EYS: variants seen among roughly 807,000 people sequenced by gnomAD.
The protein encoded by EYS is EGF-like photoreceptor maintenance factor.
EYS carries 250 observed loss-of-function variants against 282.1 expected under a neutral mutation model. That is an observed-to-expected ratio of 0.89 (90% CI 0.80 to 0.98). EYS has a LOEUF of 0.98. EYS is among the 50% of genes least tolerant of loss of function. The pLI is 0.00. For synonymous variants in EYS, 1,355 were observed against 1,282.9 expected (o/e 1.06, Z -1.20); for missense variants, 4,016 against 3,709.0 (o/e 1.08, Z -2.15).
intron 26 of EYS, among the ~76,000 whole-genome samples, chr6:64,585,121 T>C (rs1766193815): frequency 6.6e-6 from 1 of 152,108 alleles, no homozygotes; most frequent in South Asian, 2.1e-4. Flanking sequence ...GTATACATCA[T>C]TGAATACTAC....
chr6:64,840,531 T>C (rs887899881), intron 19 of EYS, among the ~76,000 whole-genome samples: 1 of 152,110 alleles, frequency 6.6e-6, no homozygotes, highest in Non-Finnish European at 1.5e-5. Context: ...GTTTTCAAAT[T>C]CCAAGGGAAA....
intron 15 of EYS, among the ~76,000 whole-genome samples, chr6:64,944,433 A>G (rs1477516942): frequency 6.6e-6 from 1 of 152,154 alleles, no homozygotes; most frequent in Non-Finnish European, 1.5e-5. Flanking sequence ...CAGACAACTG[A>G]CAGAATGGGA....
intron 26 of EYS, among the ~76,000 whole-genome samples, chr6:64,488,258 A>T (rs1413270488): frequency 6.6e-6 from 1 of 151,022 alleles, no homozygotes; most frequent in Non-Finnish European, 1.5e-5. Flanking sequence ...AGAAGTAGGA[A>T]GTCAAGCAAA....
At chr6:65,230,722 A>G (rs604291) in intron 12 of EYS, among the ~76,000 whole-genome samples, 101,092 of 151,370 alleles carry the variant, frequency 0.67, 35,001 homozygotes, top group East Asian at 0.89. Flanking sequence ...TCTTTGAGTC[A>G]TATCTTTTTT....
intron 26 of EYS, among the ~76,000 whole-genome samples, chr6:64,530,414 C>T (rs1221917254): frequency 6.6e-6 from 1 of 151,842 alleles, no homozygotes; most frequent in Non-Finnish European, 1.5e-5. Context: ...ATCTGCAGGA[C>T]ATGTGTTCCT....
At chr6:63,732,929 T>C (rs1341723080) in intron 41 of EYS, among the ~76,000 whole-genome samples, 1 of 152,202 alleles carries the variant, frequency 6.6e-6, no homozygotes, top group Non-Finnish European at 1.5e-5. Context: ...TATATGTTGA[T>C]ACATCTTAGA....
intron 31 of EYS, among the ~76,000 whole-genome samples, chr6:64,217,652 C>G (rs910201847): frequency 1.5e-4 from 23 of 152,008 alleles, no homozygotes; most frequent in Admixed American, 1.4e-3. Flanking sequence ...CTATAAGAGG[C>G]CTTTTCCTAT....
chr6:63,986,665 C>T (rs940995670), intron 34 of EYS, among the ~76,000 whole-genome samples: 3 of 151,672 alleles, frequency 2.0e-5, no homozygotes, highest in Non-Finnish European at 3.0e-5. Flanking sequence ...CCTCAGCAAA[C>T]TAATGAAGGA....
At chr6:65,631,129 G>A (rs151299479) in intron 2 of EYS, among the ~76,000 whole-genome samples, 1 of 152,114 alleles carries the variant, frequency 6.6e-6, no homozygotes, top group Non-Finnish European at 1.5e-5. Context: ...ATTAATGGGA[G>A]ACCCCTGTAA....
At chr6:64,948,957 T>A (rs1009370150) in intron 14 of EYS, among the ~76,000 whole-genome samples, 14 of 151,934 alleles carry the variant, frequency 9.2e-5, no homozygotes, top group African/African-American at 2.9e-4. Flanking sequence ...TTGATAGTTG[T>A]AAATGCATAA....
chr6:65,092,297 G>A (rs914447008), intron 12 of EYS, among the ~76,000 whole-genome samples: 56 of 152,112 alleles, frequency 3.7e-4, no homozygotes, highest in Admixed American at 3.1e-3. Flanking sequence ...TTGTAGAAGT[G>A]GTCTAACAAT....
chr6:65,140,648 G>A (rs10944780), intron 12 of EYS, among the ~76,000 whole-genome samples: 54,845 of 148,490 alleles, frequency 0.37, 11,300 homozygotes, highest in African/African-American at 0.56. Context: ...TTGACAAGAA[G>A]AAAACAAACA....
intron 30 of EYS, among the ~76,000 whole-genome samples, chr6:64,271,439 T>A (rs1046909875): frequency 6.6e-6 from 1 of 152,182 alleles, no homozygotes; most frequent in East Asian, 1.9e-4. Context: ...AAAAGGTTTT[T>A]TTGGGAAACA....
At chr6:64,991,224 A>G (rs938905705) in intron 14 of EYS, among the ~76,000 whole-genome samples, 1 of 151,614 alleles carries the variant, frequency 6.6e-6, no homozygotes, top group Non-Finnish European at 1.5e-5. Flanking sequence ...GAAGATTGGT[A>G]TAATAAAAAG....
At chr6:63,941,364 A>G (rs1465889599) in intron 35 of EYS, among the ~76,000 whole-genome samples, 1 of 152,098 alleles carries the variant, frequency 6.6e-6, no homozygotes, top group South Asian at 2.1e-4. Flanking sequence ...TGACTTTTTA[A>G]TGATCAGCAT....
chr6:65,519,702 AT>A (rs1404589621), intron 2 of EYS, among the ~76,000 whole-genome samples: 1 of 36,748 alleles, frequency 2.7e-5, no homozygotes, highest in African/African-American at 1.5e-4. Flanking sequence ...ATATATATAT[AT>A]ATATATTTTT....
chr6:65,585,235 A>C (rs1420427575), intron 2 of EYS, among the ~76,000 whole-genome samples: 3 of 151,966 alleles, frequency 2.0e-5, no homozygotes, highest in Admixed American at 2.0e-4. Flanking sequence ...AAACCATTTC[A>C]TGTCATCATT....
intron 30 of EYS, among the ~76,000 whole-genome samples, chr6:64,250,567 A>T (rs540681125): frequency 1.3e-5 from 2 of 152,248 alleles, no homozygotes; most frequent in Non-Finnish European, 2.9e-5. Context: ...ATTCAAAAGC[A>T]TTTTTAAAAG....
intron 37 of EYS, among the ~76,000 whole-genome samples, chr6:63,800,165 ACT>A (rs1219731043): frequency 6.6e-6 from 1 of 152,174 alleles, no homozygotes; most frequent in Non-Finnish European, 1.5e-5. Context: ...GTTTTCTATC[ACT>A]TACGTATATC....
Sources: allele counts gnomAD v4.1 joint callset (sites outside exome capture counted in the v4.1 genomes callset), GRCh38; gene constraint gnomAD v4.1.1; transcripts MANE v1.5; gene names NCBI Gene and HGNC (gene_info 2026-07-23, HGNC 2026-07-21).